CATSPERT: variants seen among roughly 807,000 people sequenced by gnomAD.
CATSPERT encodes cation channel sperm-associated targeting subunit tau.
chr2:201,515,201 A>ATAGTTTT, the CATSPERT span, among the ~76,000 whole-genome samples: 1 of 70,214 alleles, frequency 1.4e-5, no homozygotes, highest in Admixed American at 2.1e-4. Flanking sequence ...ATCTGCCCAT[A>ATAGTTTT]GTTTTTTTTT....
the CATSPERT span, among the ~76,000 whole-genome samples, chr2:201,531,862 T>G: frequency 6.6e-6 from 1 of 152,124 alleles, no homozygotes; most frequent in Non-Finnish European, 1.5e-5. Flanking sequence ...TGGTGAGAAG[T>G]TTGGACTTTA....
the CATSPERT span, chr2:201,491,072 A>G: frequency 9.5e-7 from 1 of 1,055,618 alleles, no homozygotes. Flanking sequence ...GGGGTAATTA[A>G]GGTTATACAC....
At chr2:201,517,411 G>T in the CATSPERT span, among the ~76,000 whole-genome samples, 4 of 152,074 alleles carry the variant, frequency 2.6e-5, no homozygotes, top group Non-Finnish European at 4.4e-5. Context: ...AGCCTGCAGG[G>T]TTTTCTTTTC....
At chr2:201,567,152 T>C in the CATSPERT span, among the ~76,000 whole-genome samples, 1 of 152,196 alleles carries the variant, frequency 6.6e-6, no homozygotes, top group Non-Finnish European at 1.5e-5. Context: ...CCAGATATGC[T>C]CTTTCTTAAG....
chr2:201,597,201 T>C, the CATSPERT span, among the ~76,000 whole-genome samples: 4 of 152,192 alleles, frequency 2.6e-5, no homozygotes, highest in Non-Finnish European at 4.4e-5. Flanking sequence ...TTCTGGGATC[T>C]CAACAGAATT....
the CATSPERT span, chr2:201,619,146 G>A: frequency 9.3e-6 from 15 of 1,613,092 alleles, no homozygotes; most frequent in South Asian, 1.1e-4. Flanking sequence ...CATCTTCTGC[G>A]GCCTGTCTGC....
At chr2:201,550,595 C>CCAAA in the CATSPERT span, 71,870 of 151,514 alleles carry the variant, frequency 0.47, 17,416 homozygotes, top group East Asian at 0.75. Context: ...CATTTCACTC[C>CCAAA]CATTCTATTC....
At chr2:201,566,282 T>TG in the CATSPERT span, among the ~76,000 whole-genome samples, 1 of 151,916 alleles carries the variant, frequency 6.6e-6, no homozygotes, top group Non-Finnish European at 1.5e-5. Flanking sequence ...TATGTATACA[T>TG]GTGCCATGTT....
the CATSPERT span, chr2:201,492,386 CT>C: frequency 3.3e-6 from 5 of 1,534,132 alleles, no homozygotes; most frequent in Non-Finnish European, 4.4e-6. Context: ...CTTAAATCAG[CT>C]TTTAGATGTA....
the CATSPERT span, among the ~76,000 whole-genome samples, chr2:201,579,853 C>CTTT: frequency 7.4e-6 from 1 of 134,294 alleles, no homozygotes; most frequent in Non-Finnish European, 1.6e-5. Flanking sequence ...CTTTCTTTTT[C>CTTT]TTTTTTTTTT....
At chr2:201,583,330 GAGAACC>G in the CATSPERT span, among the ~76,000 whole-genome samples, 1 of 152,148 alleles carries the variant, frequency 6.6e-6, no homozygotes, top group Non-Finnish European at 1.5e-5. Context: ...TCAGTGAATG[GAGAACC>G]CCTTCTCCCA....
chr2:201,603,307 G>A, the CATSPERT span: 1 of 1,591,634 alleles, frequency 6.3e-7, no homozygotes, highest in African/African-American at 1.3e-5. Context: ...CACAGACAGT[G>A]AATGCATTTA....
At chr2:201,496,515 G>A in the CATSPERT span, among the ~76,000 whole-genome samples, 4 of 152,114 alleles carry the variant, frequency 2.6e-5, no homozygotes, top group African/African-American at 9.7e-5. Context: ...GCTAATTTTT[G>A]TATTTTTTGT....
the CATSPERT span, chr2:201,534,280 CAGA>C: frequency 2.1e-6 from 1 of 486,072 alleles, no homozygotes; most frequent in Non-Finnish European, 2.7e-6. Flanking sequence ...TCAAGTGGAG[CAGA>C]AGAACTGCCC....
chr2:201,585,652 A>G, the CATSPERT span, among the ~76,000 whole-genome samples: 187 of 152,250 alleles, frequency 1.2e-3, no homozygotes, highest in African/African-American at 4.1e-3. Context: ...ATAATAACAT[A>G]TTAGTTGAGG....
chr2:201,523,386 C>T, the CATSPERT span, among the ~76,000 whole-genome samples: 511 of 152,294 alleles, frequency 3.4e-3, 1 homozygote, highest in African/African-American at 9.7e-3. Context: ...CTGAGCTGAG[C>T]CTTGACCCAC....
chr2:201,497,105 C>G, the CATSPERT span, among the ~76,000 whole-genome samples: 1 of 152,180 alleles, frequency 6.6e-6, no homozygotes, highest in Non-Finnish European at 1.5e-5. Context: ...ATTAAAATAA[C>G]AATTCAATGA....
At chr2:201,520,886 G>A in the CATSPERT span, among the ~76,000 whole-genome samples, 102 of 140,076 alleles carry the variant, frequency 7.3e-4, no homozygotes, top group Middle Eastern at 3.7e-3. Flanking sequence ...TCCTGTCTCA[G>A]AAAAAAAAAA....
At chr2:201,545,662 AAT>A in the CATSPERT span, 1 of 898,060 alleles carries the variant, frequency 1.1e-6, no homozygotes, top group South Asian at 2.3e-5. Context: ...AAGAAAAAAA[AAT>A]ATATATGGGA....
Sources: allele counts gnomAD v4.1 joint callset (sites outside exome capture counted in the v4.1 genomes callset), GRCh38; gene constraint gnomAD v4.1.1; transcripts MANE v1.5; gene names NCBI Gene and HGNC (gene_info 2026-07-23, HGNC 2026-07-21).